The following MACROD2 variants were observed in gnomAD, a reference collection of about 807,000 sequenced individuals.
MACROD2 encodes mono-ADP ribosylhydrolase 2, also known as ADP-ribose glycohydrolase MACROD2.
Under a neutral mutation model 70.4 loss-of-function variants are expected in MACROD2, and 36 were observed. That is an observed-to-expected ratio of 0.51 (90% CI 0.39 to 0.68). The LOEUF (loss-of-function observed/expected upper bound fraction) is 0.68, where lower values mean the gene tolerates loss of function less well. Ranked by LOEUF, MACROD2 falls within the 30% of genes least tolerant of loss-of-function variation. The pLI, the probability that MACROD2 is intolerant of heterozygous loss-of-function variation, is 0.00. For synonymous variants in MACROD2, 172 were observed against 178.8 expected (o/e 0.96, Z 0.30); for missense variants, 496 against 538.4 (o/e 0.92, Z 0.78).
chr20:14,444,894 A>G (rs1418078117), intron 3 of MACROD2, among the ~76,000 whole-genome samples: 1 of 151,786 alleles, frequency 6.6e-6, no homozygotes, highest in Non-Finnish European at 1.5e-5. Flanking sequence ...ATGTAGAGAG[A>G]GAGAGTTCAC....
intron 6 of MACROD2, among the ~76,000 whole-genome samples, chr20:15,300,992 C>G (rs1249121728): frequency 6.6e-6 from 1 of 152,116 alleles, no homozygotes; most frequent in African/African-American, 2.4e-5. Context: ...GTGGGGAGGT[C>G]CTGCCTGCAC....
At chr20:16,041,306 G>A (rs754316047) in intron 16 of MACROD2, 28 bp downstream of exon 16, 21 of 1,565,738 alleles carry the variant, frequency 1.3e-5, no homozygotes, top group Admixed American at 1.2e-4. Context: ...TGGAGCCCAT[G>A]GAAACTACAA....
chr20:14,813,391 C>G (rs1346709200), intron 5 of MACROD2, among the ~76,000 whole-genome samples: 2 of 150,622 alleles, frequency 1.3e-5, no homozygotes, highest in Non-Finnish European at 3.0e-5. Context: ...ATGTTGTTTC[C>G]CTCCCTGTGT....
chr20:14,023,005 C>T lies in MACROD2; in HGVS notation c.163+20601C>T, dbSNP rs143225128. 4.7e-3 allele frequency among the ~76,000 whole-genome samples: 722 copies of T among 152,218 alleles called. 4 individuals are homozygous for T. Among genetic ancestry groups the T allele is most frequent in the African/African-American group, 0.016 (668 of 41,556 alleles). On this transcript the variant is annotated intron_variant, in intron 2 of 17. Transcript: ENST00000684519. ...TTCTGGTTCTAGATCCTTGAGGAAT[C>T]GCCACACTGTCTTCCACAATGTAAA... is the stretch of plus-strand genomic sequence containing the variant.
At position 15,908,098 on chromosome 20, in the gene MACROD2, A is replaced by G. The variant is rs572628839; in HGVS notation, c.775+22287A>G. Among the ~76,000 whole-genome samples, 131 of 152,262 alleles carry G rather than the reference A, an allele frequency of 8.6e-4. 1 individual carries two copies. The highest frequency in any genetic ancestry group is 3.0e-3 in the African/African-American group (123 of 41,582). ...TATCTTTTGGAGGGTACAGACCATT[A>G]TAATAGCTAAGAGTTTTTTGCTGTG... is the stretch of plus-strand genomic sequence containing the variant. On this transcript the variant is annotated intron_variant, in intron 10 of 17. Coordinates refer to ENST00000684519, the MANE Select transcript of MACROD2 (RefSeq NM_001351661.2).
At chr20:15,366,974 C>T (rs56772264) in intron 6 of MACROD2, among the ~76,000 whole-genome samples, 2 of 151,662 alleles carry the variant, frequency 1.3e-5, no homozygotes, top group African/African-American at 2.4e-5. Flanking sequence ...AATCTATTAA[C>T]AGTTTCCTTG....
chr20:14,229,222 G>A (rs901984378), intron 3 of MACROD2, among the ~76,000 whole-genome samples: 1 of 152,158 alleles, frequency 6.6e-6, no homozygotes, highest in Non-Finnish European at 1.5e-5. Context: ...AAATTGGCAA[G>A]TGAGACTTCA....
intron 5 of MACROD2, among the ~76,000 whole-genome samples, chr20:15,132,727 T>C (rs760828619): frequency 5.3e-5 from 8 of 151,994 alleles, no homozygotes; most frequent in Non-Finnish European, 8.8e-5. Context: ...TGCAAGACCA[T>C]TTTGCTATTA....
At chr20:14,327,583 A>G (rs1601484963) in intron 3 of MACROD2, 1 of 1,457,980 alleles carries the variant, frequency 6.9e-7, no homozygotes, top group Non-Finnish European at 9.2e-7. Flanking sequence ...GTAAAAAAAG[A>G]CAGAAAACAA....
intron 8 of MACROD2, among the ~76,000 whole-genome samples, chr20:15,708,719 A>C (rs6110755): frequency 7.4e-6 from 1 of 134,254 alleles, no homozygotes; most frequent in African/African-American, 2.5e-5. Flanking sequence ...CAAATAAAAA[A>C]TAAATAAATT....
chr20:15,124,545 T>C (rs1196155893), intron 5 of MACROD2, among the ~76,000 whole-genome samples: 1 of 152,018 alleles, frequency 6.6e-6, no homozygotes, highest in Non-Finnish European at 1.5e-5. Context: ...CTTCTTAAAA[T>C]AGGAAAACAC....
At chr20:14,008,087 C>G (rs940227249) in intron 2 of MACROD2, among the ~76,000 whole-genome samples, 6 of 152,146 alleles carry the variant, frequency 3.9e-5, no homozygotes, top group Non-Finnish European at 7.4e-5. Context: ...TCTCTCACCA[C>G]TCCTATTCAA....
At chr20:15,133,103 A>G (rs777304009) in intron 5 of MACROD2, among the ~76,000 whole-genome samples, 9 of 152,092 alleles carry the variant, frequency 5.9e-5, no homozygotes, top group Non-Finnish European at 1.2e-4. Flanking sequence ...ATTGTTCTTC[A>G]AAAGTTTTGC....
chr20:14,481,653 A>G (rs2084664981), intron 3 of MACROD2, among the ~76,000 whole-genome samples: 1 of 152,218 alleles, frequency 6.6e-6, no homozygotes, highest in Non-Finnish European at 1.5e-5. Flanking sequence ...GAGAAATAAA[A>G]TAATTCCTTA....
intron 5 of MACROD2, among the ~76,000 whole-genome samples, chr20:14,943,061 A>G (rs1429491135): frequency 6.6e-6 from 1 of 152,214 alleles, no homozygotes; most frequent in Non-Finnish European, 1.5e-5. Flanking sequence ...CTGAAAAGAA[A>G]TAAGAAATTA....
chr20:15,313,506 CAAAAA>C (rs11314563), intron 6 of MACROD2, among the ~76,000 whole-genome samples: 10 of 86,230 alleles, frequency 1.2e-4, no homozygotes, highest in African/African-American at 1.3e-4. Flanking sequence ...GACTCCGTCT[CAAAAA>C]AAAAAAAAAA....
At chr20:14,604,411 T>C (rs140967508) in intron 4 of MACROD2, among the ~76,000 whole-genome samples, 1 of 152,330 alleles carries the variant, frequency 6.6e-6, no homozygotes, top group African/African-American at 2.4e-5. Context: ...GGTCCCTTAT[T>C]ATCTTACAGG....
intron 10 of MACROD2, among the ~76,000 whole-genome samples, chr20:15,891,200 T>C (rs1486995254): frequency 6.6e-6 from 1 of 152,046 alleles, no homozygotes; most frequent in Non-Finnish European, 1.5e-5. Context: ...AGCAGACATA[T>C]GAATATGTGT....
intron 8 of MACROD2, among the ~76,000 whole-genome samples, chr20:15,654,921 A>G (rs904907603): frequency 1.3e-5 from 2 of 152,170 alleles, no homozygotes; most frequent in Non-Finnish European, 2.9e-5. Context: ...GTCACTGTAG[A>G]TATCGGCACA....
Sources: gnomAD v4.1 joint callset for allele counts (sites outside exome capture counted in the v4.1 genomes callset) on GRCh38, gnomAD v4.1.1 for gene constraint, MANE v1.5 for transcripts, NCBI Gene and HGNC (gene_info 2026-07-23, HGNC 2026-07-21) for gene names.